Variants in SYNE2 observed in about 807,000 individuals in gnomAD.
SYNE2 encodes the protein spectrin repeat containing nuclear envelope protein 2, also known as nesprin-2.
SYNE2 carries 431 observed loss-of-function variants against 856.3 expected under a neutral mutation model. That is an observed-to-expected ratio of 0.50 (90% CI 0.47 to 0.55). SYNE2 has a LOEUF of 0.55. Ranked by LOEUF, SYNE2 falls within the 20% of genes least tolerant of loss-of-function variation. SYNE2 has a pLI of 0.00. For missense variants in SYNE2, 8,129 were observed against 8,023.2 expected (o/e 1.01, Z -0.50); for synonymous variants, 2,923 against 2,872.3 (o/e 1.02, Z -0.56).
intron 1 of SYNE2, among the ~76,000 whole-genome samples, chr14:63,855,185 G>A (rs1425212783): frequency 6.6e-6 from 1 of 152,016 alleles, no homozygotes; most frequent in Admixed American, 6.5e-5. Flanking sequence ...ATTGTGCTGG[G>A]TGTTGGGGCG....
intron 76 of SYNE2, among the ~76,000 whole-genome samples, chr14:64,130,648 G>T (rs969103372): frequency 3.9e-5 from 6 of 152,160 alleles, no homozygotes; most frequent in Admixed American, 2.6e-4. Context: ...ACTTTGGGAG[G>T]CTGAGGCGGG....
At chr14:63,957,765 C>T (rs2096259054) in intron 8 of SYNE2, among the ~76,000 whole-genome samples, 1 of 152,068 alleles carries the variant, frequency 6.6e-6, no homozygotes, top group Non-Finnish European at 1.5e-5. Context: ...TACTGCCTCA[C>T]CTGGCCGAGC....
intron 30 of SYNE2, among the ~76,000 whole-genome samples, chr14:64,006,817 AC>A (rs1352240158): frequency 6.6e-6 from 1 of 152,150 alleles, no homozygotes; most frequent in Non-Finnish European, 1.5e-5. Context: ...ACAGAGTGAG[AC>A]CCTGTTTCCA....
At chr14:64,017,276 C>G (rs867313130) in intron 33 of SYNE2, among the ~76,000 whole-genome samples, 1 of 139,228 alleles carries the variant, frequency 7.2e-6, no homozygotes, top group African/African-American at 2.7e-5. Flanking sequence ...TTGCAGTGAG[C>G]CGAGTTCGCA....
rs1440292982 is a variant in SYNE2 at position 64,087,823 on chromosome 14, G to C, written c.11637G>C (p.Met3879Ile). The C allele has an allele frequency of 1.5e-5, 24 of 1,613,942 alleles. No individual in the cohort carries two copies. The highest frequency in any genetic ancestry group is 1.9e-5 in the Non-Finnish European group (23 of 1,179,958). Reference protein sequence around the residue: ...NQVTALQQKIMESLPQIQRMA... With the variant: ...NQVTALQQKIIESLPQIQRMA... ...TAACAGCTTTACAACAAAAAATAAT[G>C]GAAAGCCTTCCACAGATTCAGCGAA... Residue 3879 changes from methionine to isoleucine, a missense_variant, in exon 58 of 116, where the codon ATG becomes ATC. Transcript: ENST00000555002.
chr14:63,931,203 G>A (rs2095749440), intron 2 of SYNE2, among the ~76,000 whole-genome samples: 1 of 152,102 alleles, frequency 6.6e-6, no homozygotes, highest in African/African-American at 2.4e-5. Flanking sequence ...CTTCCATAAT[G>A]CCTTTTGTTC....
intron 1 of SYNE2, among the ~76,000 whole-genome samples, chr14:63,770,876 T>A (rs1338668006): frequency 1.3e-5 from 2 of 151,438 alleles, no homozygotes; most frequent in Admixed American, 6.6e-5. Flanking sequence ...GAAGTCAATT[T>A]AAAAAAAAAT....
At chr14:63,812,693 A>T (rs1888659358) in intron 1 of SYNE2, among the ~76,000 whole-genome samples, 2 of 152,174 alleles carry the variant, frequency 1.3e-5, no homozygotes, top group African/African-American at 4.8e-5. Context: ...TGAAATCTTC[A>T]CAATTTATGT....
chr14:63,983,412 T>C (rs1195492158), intron 17 of SYNE2, among the ~76,000 whole-genome samples: 9 of 152,324 alleles, frequency 5.9e-5, no homozygotes, highest in Admixed American at 2.6e-4. Flanking sequence ...AGCTTTCTAG[T>C]TGAAATTCAC....
At chr14:63,814,992 A>AT (rs1888855178) in intron 1 of SYNE2, among the ~76,000 whole-genome samples, 3 of 79,226 alleles carry the variant, frequency 3.8e-5, no homozygotes, top group Non-Finnish European at 5.7e-5. Flanking sequence ...ATCCATATAT[A>AT]CATCCATATA....
At chr14:63,848,832 C>T (rs1275869734), upstream of SYNE2, among the ~76,000 whole-genome samples, 2 of 152,228 alleles carry the variant, frequency 1.3e-5, no homozygotes, top group Non-Finnish European at 2.9e-5. Flanking sequence ...GCCCACCAGG[C>T]TCCACGCTTG....
chr14:64,137,274 A>G (rs911672442), intron 78 of SYNE2, among the ~76,000 whole-genome samples: 8 of 152,168 alleles, frequency 5.3e-5, no homozygotes, highest in Admixed American at 2.0e-4. Context: ...ATCTCAGCTC[A>G]CTGCAGCCTC....
intron 73 of SYNE2, among the ~76,000 whole-genome samples, chr14:64,127,384 G>A (rs2097957936): frequency 6.6e-6 from 1 of 151,788 alleles, no homozygotes; most frequent in Non-Finnish European, 1.5e-5. Context: ...AGACCAGCCT[G>A]GGCAACATAG....
At chr14:63,819,007 T>G (rs1889114629) in intron 1 of SYNE2, among the ~76,000 whole-genome samples, 1 of 151,924 alleles carries the variant, frequency 6.6e-6, no homozygotes, top group South Asian at 2.1e-4. Flanking sequence ...CCAAATTTTT[T>G]TTTTCAATAT....
intron 1 of SYNE2, among the ~76,000 whole-genome samples, chr14:63,775,745 C>T (rs1372711672): frequency 6.6e-6 from 1 of 152,072 alleles, no homozygotes; most frequent in Admixed American, 6.6e-5. Context: ...CCGCCCCTGG[C>T]TAATTTTGTT....
intron 22 of SYNE2, 118 bp downstream of exon 22, chr14:63,994,087 C>A: frequency 3.9e-6 from 4 of 1,030,998 alleles, no homozygotes; most frequent in Non-Finnish European, 5.9e-6. Flanking sequence ...TGGGCTGGTC[C>A]CTGCAGGCTG....
intron 1 of SYNE2, among the ~76,000 whole-genome samples, chr14:63,879,218 C>G (rs2094800909): frequency 6.6e-6 from 1 of 152,202 alleles, no homozygotes; most frequent in Non-Finnish European, 1.5e-5. Flanking sequence ...GAAAAGTCTC[C>G]TTTTGTGCAA....
chr14:64,084,970 C>T (rs1255953), intron 57 of SYNE2: 558,744 of 702,064 alleles, frequency 0.8, 226,313 homozygotes, highest in Non-Finnish European at 0.85. Context: ...CTTACAGACA[C>T]GTGGGCTCCT....
At chr14:63,915,461 T>C (rs1252311002) in intron 2 of SYNE2, among the ~76,000 whole-genome samples, 1 of 152,170 alleles carries the variant, frequency 6.6e-6, no homozygotes, top group East Asian at 1.9e-4. Flanking sequence ...AAAAACAACA[T>C]AGGCCAATGC....
Sources: gnomAD v4.1 joint callset for allele counts (sites outside exome capture counted in the v4.1 genomes callset) on GRCh38, gnomAD v4.1.1 for gene constraint, MANE v1.5 for transcripts, NCBI Gene and HGNC (gene_info 2026-07-23, HGNC 2026-07-21) for gene names.